The following SNAP25 variants were observed in gnomAD, a reference collection of about 807,000 sequenced individuals.
SNAP25 encodes the protein synaptosome associated protein 25, also known as synaptosomal-associated protein 25.
SNAP25 carries 3 observed loss-of-function variants against 28.7 expected under a neutral mutation model. That is an observed-to-expected ratio of 0.10 (90% confidence interval 0.05 to 0.27). The LOEUF (loss-of-function observed/expected upper bound fraction) is 0.27. Ranked by LOEUF, SNAP25 falls within the 10% of genes least tolerant of loss-of-function variation. SNAP25 has a pLI of 1.00. For synonymous variants in SNAP25, 61 were observed against 88.1 expected (o/e 0.69, Z 1.72); for missense variants, 117 against 278.7 (o/e 0.42, Z 4.13).
intron 1 of SNAP25, among the ~76,000 whole-genome samples, chr20:10,224,021 A>C (rs1242349872): frequency 6.6e-6 from 1 of 152,148 alleles, no homozygotes; most frequent in Non-Finnish European, 1.5e-5. Flanking sequence ...GTTTACCTAT[A>C]CTGGCTCACT....
At chr20:10,269,266 A>G (rs2063553718) in intron 1 of SNAP25, among the ~76,000 whole-genome samples, 1 of 152,080 alleles carries the variant, frequency 6.6e-6, no homozygotes, top group South Asian at 2.1e-4. Context: ...AAAACTAGCC[A>G]GACATGGTGT....
intron 1 of SNAP25, among the ~76,000 whole-genome samples, chr20:10,226,075 C>T (rs1295094373): frequency 6.6e-6 from 1 of 152,120 alleles, no homozygotes; most frequent in African/African-American, 2.4e-5. Context: ...ATCTTTGGTA[C>T]AGTTTCAAAG....
rs36220354 is a variant in SNAP25 at position 10,260,688 on chromosome 20, TACACACACACAC to T, written c.-63-14717_-63-14706del. Among the ~76,000 whole-genome samples the T allele has an allele frequency of 4.3e-4, 64 of 148,334 alleles. 1 individual carries two copies. The highest frequency in any genetic ancestry group is 5.5e-4 in the Non-Finnish European group (37 of 67,128). ...AGGTTAATGGCATACTTAGACTCAC[TACACACACACAC>T]ACACACACACACACACACACACAAA... is the stretch of plus-strand genomic sequence containing the variant. On this transcript the variant is annotated intron_variant, in intron 1 of 7. Transcript: ENST00000254976.
chr20:10,273,077 C>G (rs1379563385), intron 1 of SNAP25, among the ~76,000 whole-genome samples: 1 of 152,120 alleles, frequency 6.6e-6, no homozygotes, highest in Non-Finnish European at 1.5e-5. Context: ...GCCTCCTCCC[C>G]CAGGATCAGA....
intron 5 of SNAP25, among the ~76,000 whole-genome samples, chr20:10,295,688 C>A (rs201218582): frequency 1.3e-5 from 2 of 151,138 alleles, no homozygotes; most frequent in African/African-American, 2.4e-5. Context: ...TGGTGTCTTA[C>A]AAAAAAAAAT....
intron 1 of SNAP25, among the ~76,000 whole-genome samples, chr20:10,221,821 G>C (rs1439525744): frequency 1.3e-5 from 2 of 152,260 alleles, no homozygotes; most frequent in Non-Finnish European, 2.9e-5. Context: ...CCTAGAAGCT[G>C]CGTAAGCAGT....
chr20:10,281,451 T>C (rs116623083), intron 3 of SNAP25, among the ~76,000 whole-genome samples: 2,256 of 152,342 alleles, frequency 0.015, 55 homozygotes, highest in African/African-American at 0.049. Flanking sequence ...ATGTGCCAGA[T>C]ACTCTGCTTA....
At chr20:10,241,104 C>T (rs757516749) in intron 1 of SNAP25, among the ~76,000 whole-genome samples, 3 of 151,768 alleles carry the variant, frequency 2.0e-5, no homozygotes, top group Non-Finnish European at 4.4e-5. Flanking sequence ...ACTGCAGGGC[C>T]GACATGGGCT....
chr20:10,236,692 A>G (rs2122706233), intron 1 of SNAP25, among the ~76,000 whole-genome samples: 1 of 152,232 alleles, frequency 6.6e-6, no homozygotes. Flanking sequence ...TTGCCGCGTC[A>G]TGGAAAACAA....
intron 4 of SNAP25, among the ~76,000 whole-genome samples, chr20:10,286,282 G>C (rs1306198503): frequency 2.0e-5 from 3 of 152,116 alleles, no homozygotes; most frequent in African/African-American, 7.2e-5. Flanking sequence ...GGAGGAAGAT[G>C]CCTCATTTGG....
chr20:10,262,560 A>G (rs555054000), intron 1 of SNAP25, among the ~76,000 whole-genome samples: 1 of 151,168 alleles, frequency 6.6e-6, no homozygotes, highest in East Asian at 1.9e-4. Context: ...CTCTAAGTAC[A>G]TGGCGTCCAG....
In SNAP25 at chr20:10,275,418, C is replaced by T. The variant is rs2063674091; in HGVS notation, c.-63-11C>T. ...ATAAGCTCTCATATTTTCATATCTA[C>T]TTCTTCCCAGGTCCAGAGCCAAACC... is the stretch of plus-strand genomic sequence containing the variant. On this transcript the variant is annotated splice_polypyrimidine_tract_variant and intron_variant, in intron 1 of 7. Coordinates refer to ENST00000254976, the MANE Select transcript of SNAP25 (RefSeq NM_130811.4). The T allele has an allele frequency of 7.4e-7, 1 of 1,356,554 alleles. No homozygotes were observed. Among genetic ancestry groups the T allele is most frequent in the South Asian group, 1.3e-5 (1 of 74,916 alleles). The allele number at this position is 1,356,554 out of a possible 1,614,324, so 84.0% of individuals were successfully genotyped here. A position where few individuals can be genotyped will look rare whatever the true frequency, so the allele number is the denominator to read the frequency against.
intron 1 of SNAP25, among the ~76,000 whole-genome samples, chr20:10,238,423 G>A (rs2062961720): frequency 6.6e-6 from 1 of 152,168 alleles, no homozygotes; most frequent in Non-Finnish European, 1.5e-5. Flanking sequence ...ATTAATTCTA[G>A]CCTGGCAGCG....
At chr20:10,221,599 C>T (rs1422261158) in intron 1 of SNAP25, among the ~76,000 whole-genome samples, 1 of 152,190 alleles carries the variant, frequency 6.6e-6, no homozygotes, top group Non-Finnish European at 1.5e-5. Context: ...GTTCAAATTA[C>T]AGAACAATTT....
At chr20:10,243,199 A>C (rs1386491106) in intron 1 of SNAP25, among the ~76,000 whole-genome samples, 1 of 152,236 alleles carries the variant, frequency 6.6e-6, no homozygotes, top group African/African-American at 2.4e-5. Flanking sequence ...ACTGAATTAC[A>C]ATCTCTGGGA....
chr20:10,293,353 C>A lies in SNAP25; in HGVS notation c.281+75C>A. Reference sequence around the variant, plus strand: ...CAAGCCTTGACAAGCTCATTCCTGCCAAGCTCATAGGCAGGATGAGCATGT... The same window carrying A: ...CAAGCCTTGACAAGCTCATTCCTGCAAAGCTCATAGGCAGGATGAGCATGT... On this transcript the variant is annotated intron_variant, in intron 5 of 7. Coordinates refer to ENST00000254976, the MANE Select transcript of SNAP25 (RefSeq NM_130811.4). This position sits in a 1 kb window ranked among gnomAD's most constrained non-coding sequence, Gnocchi z 5.6. 1 of 1,132,944 alleles carries A rather than the reference C, an allele frequency of 8.8e-7. No homozygotes were observed. Among genetic ancestry groups the A allele is most frequent in the Non-Finnish European group, 1.3e-6 (1 of 746,578 alleles). The allele number at this position is 1,132,944 out of a possible 1,614,324, so 70.2% of individuals were successfully genotyped here.
chr20:10,281,084 T>A (rs1254878861), intron 3 of SNAP25, among the ~76,000 whole-genome samples: 3 of 152,094 alleles, frequency 2.0e-5, no homozygotes, highest in Non-Finnish European at 4.4e-5. Flanking sequence ...AAAATTTTTT[T>A]AAAAATTAAA....
Position 10,276,422 on chromosome 20 carries a change from T to C in SNAP25, c.72+859T>C, listed in dbSNP as rs1333405314. Among the ~76,000 whole-genome samples, 12 of 152,340 alleles carry C rather than the reference T, an allele frequency of 7.9e-5. No homozygotes were observed. In the East Asian group the frequency reaches 2.3e-3, roughly 29 times the overall value. ...TAAAAAGTAGAGAAAATATTAATAA[T>C]GCAGATTAAAGTTAAAAGTATGTAT... On this transcript the variant is annotated intron_variant, in intron 2 of 7. Coordinates refer to ENST00000254976, the MANE Select transcript of SNAP25 (RefSeq NM_130811.4).
chr20:10,260,985 T>A (rs1003683554), intron 1 of SNAP25, among the ~76,000 whole-genome samples: 1 of 152,180 alleles, frequency 6.6e-6, no homozygotes, highest in African/African-American at 2.4e-5. Context: ...TATCTCTGCT[T>A]AGGGTACCAT....
Sources: gnomAD v4.1 joint callset for allele counts (sites outside exome capture counted in the v4.1 genomes callset) on GRCh38, gnomAD v4.1.1 for gene constraint, Gnocchi (gnomAD v3.1) non-coding constraint, MANE v1.5 for transcripts, NCBI Gene and HGNC (gene_info 2026-07-23, HGNC 2026-07-21) for gene names.